The following MFSD11 variants were observed in gnomAD, a reference collection of about 807,000 sequenced individuals.
MFSD11 encodes the protein UNC93-like protein MFSD11.
MFSD11 carries 36 observed loss-of-function variants against 53.5 expected under a neutral mutation model. That is an observed-to-expected ratio of 0.67 (90% confidence interval 0.52 to 0.89). The LOEUF is 0.89. MFSD11 is among the 40% of genes least tolerant of loss of function. The probability of loss-of-function intolerance (pLI) is 0.00; values close to 1 mark genes in which losing one functional copy is unlikely to be tolerated. For missense variants in MFSD11, 530 were observed against 543.9 expected (o/e 0.97, Z 0.25); for synonymous variants, 186 against 184.9 (o/e 1.01, Z -0.05).
intron 7 of MFSD11, among the ~76,000 whole-genome samples, chr17:76,746,264 G>A (rs781621959): frequency 4.6e-5 from 7 of 152,196 alleles, no homozygotes; most frequent in Non-Finnish European, 7.3e-5. Context: ...GCTGAGAGAC[G>A]TGAGGAATCT....
intron 8 of MFSD11, among the ~76,000 whole-genome samples, chr17:76,765,084 C>T (rs111690518): frequency 3.2e-4 from 48 of 152,126 alleles, no homozygotes; most frequent in African/African-American, 1.1e-3. Flanking sequence ...TGCTTCACCC[C>T]AGGTCCTGAA....
At chr17:76,801,364 C>CAA in the MFSD11 span, among the ~76,000 whole-genome samples, 30 of 72,230 alleles carry the variant, frequency 4.2e-4, no homozygotes, top group African/African-American at 1.3e-3. Context: ...GGCTCTGTCT[C>CAA]AAAAAAAAAA....
chr17:76,742,039 G>T lies in MFSD11; in HGVS notation c.331G>T (p.Ala111Ser). Reference protein sequence around the residue: ...FYTASVFIGIAAAVLWTAQGN... With the variant: ...FYTASVFIGISAAVLWTAQGN... ...CACAGCCTCTGTTTTCATTGGAATT[G>T]CTGCTGCTGGTAAGCATTTTGATTT... Residue 111 changes from alanine (A) to serine (S), a missense_variant, in exon 4 of 13, where the codon GCT (alanine) becomes TCT (serine). Coordinates refer to ENST00000685175, the MANE Select transcript of MFSD11 (RefSeq NM_001242532.5). 1 of 1,614,118 alleles carries T rather than the reference G, an allele frequency of 6.2e-7. No individual in the cohort carries two copies. The highest frequency in any genetic ancestry group is 8.5e-7 in the Non-Finnish European group (1 of 1,180,012).
At chr17:76,787,869 A>C in the MFSD11 span, among the ~76,000 whole-genome samples, 7 of 150,058 alleles carry the variant, frequency 4.7e-5, 2 homozygotes, top group African/African-American at 1.7e-4. Flanking sequence ...TAGCAATCAT[A>C]AAACTGACAG....
rs910258606 is a variant in MFSD11, at chr17:76,776,967, A to AT, written c.1185+435dup. The stretch of plus-strand genomic sequence containing the variant: ...CGCACCTGGTCTATTTTTTTATTTT[A>AT]TTTTTTTTTAAAGACAAAGTCGGCC... On this transcript the variant is annotated intron_variant, in intron 12 of 12. Coordinates refer to ENST00000685175, the MANE Select transcript of MFSD11 (RefSeq NM_001242532.5). This position sits in a 1 kb window ranked among gnomAD's most constrained non-coding sequence, Gnocchi z 4.2. Among the ~76,000 whole-genome samples the AT allele has an allele frequency of 9.2e-4, 136 of 148,032 alleles. No homozygotes were observed. Among genetic ancestry groups the AT allele is most frequent in the African/African-American group, 3.0e-3 (120 of 40,424 alleles).
At chr17:76,788,863 C>G in the MFSD11 span, among the ~76,000 whole-genome samples, 1 of 145,334 alleles carries the variant, frequency 6.9e-6, no homozygotes. Context: ...TAAATAAGAT[C>G]GGACGTGGTG....
At chr17:76,738,586 A>G in intron 1 of MFSD11, 138 bp downstream of exon 1, 1 of 662,054 alleles carries the variant, frequency 1.5e-6, no homozygotes, top group Non-Finnish European at 2.6e-6. Context: ...CTCATTTTTT[A>G]TGATTAGGTT....
At chr17:76,739,146 C>T (rs1199477683) in intron 2 of MFSD11, among the ~76,000 whole-genome samples, 153 bp downstream of exon 2, 3 of 152,174 alleles carry the variant, frequency 2.0e-5, no homozygotes, top group African/African-American at 7.2e-5. Flanking sequence ...TAGAATAAAG[C>T]TGATGAGTTT....
At chr17:76,775,302 C>G in intron 11 of MFSD11, 131 bp downstream of exon 11, 1 of 721,126 alleles carries the variant, frequency 1.4e-6, no homozygotes, top group Non-Finnish European at 2.2e-6. Context: ...GTCAAGTGTT[C>G]ATGGAGTCAG....
the MFSD11 span, among the ~76,000 whole-genome samples, chr17:76,800,795 G>A: frequency 3.3e-5 from 5 of 152,160 alleles, no homozygotes; most frequent in African/African-American, 9.6e-5. Flanking sequence ...ACCATACTCA[G>A]ACTGGGTGCA....
chr17:76,762,663 A>G (rs2080389115), intron 8 of MFSD11, among the ~76,000 whole-genome samples: 1 of 151,510 alleles, frequency 6.6e-6, no homozygotes, highest in African/African-American at 2.4e-5. Flanking sequence ...CTCCAAAAAA[A>G]AAAAAAAAAA....
intron 7 of MFSD11, among the ~76,000 whole-genome samples, chr17:76,750,956 A>C (rs539515292): frequency 3.2e-4 from 48 of 151,654 alleles, no homozygotes; most frequent in African/African-American, 1.1e-3. Flanking sequence ...GGCACCTGCC[A>C]CACCTGGCTA....
intron 7 of MFSD11, among the ~76,000 whole-genome samples, chr17:76,746,090 G>C (rs1055709193): frequency 2.6e-5 from 4 of 152,106 alleles, no homozygotes; most frequent in African/African-American, 7.2e-5. Context: ...GTTTTTGAAG[G>C]GACTCAAAAG....
At position 76,741,994 on chromosome 17, in the gene MFSD11, C is replaced by A; in HGVS notation, c.286C>A (p.Pro96Thr). 2 of 1,614,162 alleles carry A rather than the reference C, an allele frequency of 1.2e-6. No homozygotes were observed. Among genetic ancestry groups the A allele is most frequent in the Non-Finnish European group, 1.7e-6 (2 of 1,180,020 alleles). Residue 96 changes from proline (P) to threonine (T), a missense_variant, in exon 4 of 13, where the codon CCT (proline) becomes ACT (threonine). Transcript: ENST00000685175. ...YSMYIAVFIQ[P>T]FPWSFYTASV... Reference sequence around the variant, plus strand: ...CATGTACATTGCCGTTTTCATCCAGCCTTTCCCGTGGTCCTTCTACACAGC... The same window carrying A: ...CATGTACATTGCCGTTTTCATCCAGACTTTCCCGTGGTCCTTCTACACAGC...
At position 76,738,413 on chromosome 17, in the gene MFSD11, A is replaced by T. The variant is rs919917735; in HGVS notation, c.61A>T (p.Met21Leu). Residue 21 changes from methionine (M) to leucine (L), a missense_variant, in exon 1 of 13, where the codon ATG (methionine) becomes TTG (leucine). Met to Leu is a conservative substitution (Grantham distance 15, BLOSUM62 2). Coordinates refer to ENST00000685175, the MANE Select transcript of MFSD11 (RefSeq NM_001242532.5). ...TATTTTAGGAGTTGCCTTTATGTTT[A>T]TGTTCACTGCCTTTCAAACTTGTGG... is the stretch of plus-strand genomic sequence containing the variant. ...IIILGVAFMFMFTAFQTCGNV... is the reference protein window; with the variant it reads ...IIILGVAFMFLFTAFQTCGNV... 5 of 1,614,098 alleles carry T rather than the reference A, an allele frequency of 3.1e-6. No homozygotes were observed. In the South Asian group the frequency reaches 5.5e-5, roughly 18 times the overall value.
chr17:76,737,171 G>A, upstream of MFSD11: 1 of 1,547,966 alleles, frequency 6.5e-7, no homozygotes, highest in East Asian at 2.4e-5. Context: ...AGCTCTGAGT[G>A]GCGGCCCGGA....
At chr17:76,771,952 T>C (rs1395492885) in intron 10 of MFSD11, among the ~76,000 whole-genome samples, 1 of 152,024 alleles carries the variant, frequency 6.6e-6, no homozygotes, top group African/African-American at 2.4e-5. Context: ...TGGAGGTTGA[T>C]GTTGGGAGTT....
At chr17:76,780,750 A>G (rs1005479969), downstream of MFSD11, among the ~76,000 whole-genome samples, 6 of 151,696 alleles carry the variant, frequency 4.0e-5, no homozygotes, top group Non-Finnish European at 8.8e-5. Context: ...TCTTGACCTC[A>G]TGATCCGCCT....
At chr17:76,787,525 T>C in the MFSD11 span, among the ~76,000 whole-genome samples, 1 of 150,334 alleles carries the variant, frequency 6.7e-6, no homozygotes, top group Non-Finnish European at 1.5e-5. Flanking sequence ...AAAATATTCT[T>C]TGCAATATGG....
Sources: allele counts gnomAD v4.1 joint callset (sites outside exome capture counted in the v4.1 genomes callset), GRCh38; gene constraint gnomAD v4.1.1; non-coding constraint Gnocchi (gnomAD v3.1); transcripts MANE v1.5; gene names NCBI Gene and HGNC (gene_info 2026-07-23, HGNC 2026-07-21).